The following PARD3B variants were observed in gnomAD, a reference collection of about 807,000 sequenced individuals.
The protein encoded by PARD3B is par-3 family cell polarity regulator beta.
Under a neutral mutation model 130.2 loss-of-function variants are expected in PARD3B, and 103 were observed. That is an observed-to-expected ratio of 0.79 (90% confidence interval 0.67 to 0.93). PARD3B has a LOEUF of 0.93. PARD3B is among the 40% of genes least tolerant of loss of function. The pLI, the probability that PARD3B is intolerant of heterozygous loss-of-function variation, is 0.00. For missense variants in PARD3B, 1,609 were observed against 1,499.2 expected (o/e 1.07, Z -1.21); for synonymous variants, 583 against 553.2 (o/e 1.05, Z -0.76).
intron 3 of PARD3B, among the ~76,000 whole-genome samples, chr2:205,031,859 A>G (rs1053569298): frequency 1.1e-4 from 17 of 152,134 alleles, no homozygotes; most frequent in African/African-American, 4.1e-4. Flanking sequence ...CGTTCTGATA[A>G]TCCCTTAAAA....
chr2:205,545,881 T>C (rs181000174), intron 21 of PARD3B, among the ~76,000 whole-genome samples: 3 of 152,290 alleles, frequency 2.0e-5, no homozygotes, highest in Admixed American at 1.3e-4. Context: ...ATGGGGAATA[T>C]TGGGAGGTTA....
intron 21 of PARD3B, among the ~76,000 whole-genome samples, chr2:205,509,230 A>T (rs1202794511): frequency 6.6e-6 from 1 of 151,998 alleles, no homozygotes; most frequent in Non-Finnish European, 1.5e-5. Context: ...ATAGGGAAAA[A>T]ATATATATAT....
chr2:205,437,153 G>C (rs1575019486), intron 19 of PARD3B, among the ~76,000 whole-genome samples: 1 of 152,036 alleles, frequency 6.6e-6, no homozygotes, highest in Non-Finnish European at 1.5e-5. Context: ...CCGCCTTTAG[G>C]GCTGAGTCCA....
chr2:205,319,185 T>C (rs1470788261), intron 18 of PARD3B, among the ~76,000 whole-genome samples: 2 of 152,120 alleles, frequency 1.3e-5, no homozygotes, highest in Admixed American at 6.6e-5. Flanking sequence ...GCTACAGAAT[T>C]CAATAAACCA....
intron 2 of PARD3B, among the ~76,000 whole-genome samples, chr2:204,961,528 T>C (rs144744838): frequency 1.5e-3 from 229 of 152,268 alleles, no homozygotes; most frequent in Middle Eastern, 0.014. Flanking sequence ...GAAATGAGCC[T>C]GGAGTTATAG....
intron 1 of PARD3B, among the ~76,000 whole-genome samples, chr2:204,672,311 C>A (rs576682384): frequency 6.6e-6 from 1 of 152,300 alleles, no homozygotes; most frequent in East Asian, 1.9e-4. Context: ...TTTGTATTGT[C>A]TGCACAGGCT....
chr2:205,359,331 A>AT (rs2044306478), intron 18 of PARD3B, among the ~76,000 whole-genome samples: 1 of 152,244 alleles, frequency 6.6e-6, no homozygotes. Flanking sequence ...TTGTCTCCAC[A>AT]ATAATAACAT....
chr2:205,451,134 C>G (rs1028977244), intron 20 of PARD3B, among the ~76,000 whole-genome samples: 2 of 152,170 alleles, frequency 1.3e-5, no homozygotes, highest in African/African-American at 2.4e-5. Flanking sequence ...TCCTCTTCCT[C>G]TCTTGCCTTT....
At chr2:204,995,155 G>C (rs1252012811) in intron 3 of PARD3B, among the ~76,000 whole-genome samples, 4 of 152,108 alleles carry the variant, frequency 2.6e-5, no homozygotes, top group Non-Finnish European at 4.4e-5. Context: ...CTCATTAGTT[G>C]ATGCAGTTTC....
chr2:205,061,251 G>C (rs1057186631), intron 4 of PARD3B, among the ~76,000 whole-genome samples: 1 of 152,120 alleles, frequency 6.6e-6, no homozygotes, highest in Non-Finnish European at 1.5e-5. Context: ...GGTTACTAAA[G>C]GTTATTATTT....
intron 4 of PARD3B, among the ~76,000 whole-genome samples, chr2:205,057,306 T>C (rs1429567507): frequency 6.7e-6 from 1 of 148,578 alleles, no homozygotes; most frequent in Non-Finnish European, 1.5e-5. Flanking sequence ...CATGTATGTA[T>C]TCGTATATGT....
At chr2:204,683,264 T>G (rs1559056433) in intron 1 of PARD3B, among the ~76,000 whole-genome samples, 1 of 152,204 alleles carries the variant, frequency 6.6e-6, no homozygotes, top group African/African-American at 2.4e-5. Context: ...ATTTAAAAGC[T>G]ATGTGTACCA....
chr2:205,300,768 T>G lies in PARD3B; in HGVS notation c.2392+32T>G, dbSNP rs1473489281. ...TGATATGCTTCCTTAAATGGCTTCT[T>G]CATCTCATTATTATCTGCAAATCAT... is the stretch of plus-strand genomic sequence containing the variant. On this transcript the variant is annotated intron_variant, in intron 17 of 22. Transcript: ENST00000406610. The surrounding 1 kb of genome is among the most constrained non-coding windows in gnomAD (Gnocchi z 4.1). 1 of 1,582,528 alleles carries G rather than the reference T, an allele frequency of 6.3e-7. No individual in the cohort carries two copies. Among genetic ancestry groups the G allele is most frequent in the East Asian group, 2.3e-5 (1 of 44,202 alleles).
At chr2:204,846,877 C>T (rs932638568) in intron 2 of PARD3B, among the ~76,000 whole-genome samples, 6 of 152,000 alleles carry the variant, frequency 3.9e-5, no homozygotes, top group African/African-American at 1.4e-4. Context: ...ATGCCCAGTC[C>T]ACCATTCCTT....
intron 15 of PARD3B, among the ~76,000 whole-genome samples, chr2:205,194,218 G>C (rs1190243062): frequency 6.6e-6 from 1 of 152,158 alleles, no homozygotes; most frequent in Non-Finnish European, 1.5e-5. Context: ...AAAAGTGCGT[G>C]CTCCACCAAA....
At chr2:204,889,610 A>T (rs2046378907) in intron 2 of PARD3B, among the ~76,000 whole-genome samples, 5 of 152,208 alleles carry the variant, frequency 3.3e-5, no homozygotes, top group Admixed American at 3.3e-4. Context: ...CTGCCATTAT[A>T]AGAAGCAGCA....
At chr2:205,569,141 G>A (rs1372021637) in intron 22 of PARD3B, among the ~76,000 whole-genome samples, 2 of 151,428 alleles carry the variant, frequency 1.3e-5, no homozygotes, top group African/African-American at 2.4e-5. Flanking sequence ...TACTCTCAGC[G>A]AGGTTTAATT....
At position 204,702,703 on chromosome 2, in the gene PARD3B, T is replaced by C. The variant is rs527590524; in HGVS notation, c.222+16421T>C. Reference sequence around the variant, plus strand: ...GTTTCTCCTGCCTCAGCCTCACAAGTAGCTGGGATTACAGGCACTGGCCAC... The same window carrying C: ...GTTTCTCCTGCCTCAGCCTCACAAGCAGCTGGGATTACAGGCACTGGCCAC... On this transcript the variant is annotated intron_variant, in intron 2 of 22. Transcript: ENST00000406610. 2.0e-5 allele frequency among the ~76,000 whole-genome samples: 3 copies of C among 152,200 alleles called. No homozygotes were observed. The South Asian group carries it at 6.2e-4, about 32-fold the overall frequency.
intron 1 of PARD3B, among the ~76,000 whole-genome samples, chr2:204,667,804 T>C (rs1005502699): frequency 6.6e-6 from 1 of 152,222 alleles, no homozygotes; most frequent in Non-Finnish European, 1.5e-5. Flanking sequence ...GTGCCTTTCA[T>C]GTAGTCACAC....
Sources: allele counts gnomAD v4.1 joint callset (sites outside exome capture counted in the v4.1 genomes callset), GRCh38; gene constraint gnomAD v4.1.1; non-coding constraint Gnocchi (gnomAD v3.1); transcripts MANE v1.5; gene names NCBI Gene and HGNC (gene_info 2026-07-23, HGNC 2026-07-21).